Variants in GNAI2 observed in about 807,000 individuals in gnomAD.
The protein encoded by GNAI2 is guanine nucleotide-binding protein G(i) subunit alpha-2.
In GNAI2, 4 loss-of-function variants were observed where a neutral mutation model predicts 36.8. The ratio of observed to expected loss-of-function variants is 0.11; its 90% CI spans 0.05 to 0.25. The LOEUF is 0.25. Ranked by LOEUF, GNAI2 falls within the 10% of genes least tolerant of loss-of-function variation. The probability of loss-of-function intolerance (pLI) is 1.00; values close to 1 mark genes in which losing one functional copy is unlikely to be tolerated. For missense variants in GNAI2, 230 were observed against 481.3 expected, an observed-to-expected ratio of 0.48 and a Z score of 4.89; for synonymous variants, 194 against 194.1, an observed-to-expected ratio of 1.00 and a Z score of 0.01.
rs1262322420 is a variant in GNAI2 at position 50,236,701 on chromosome 3, G to T, written c.118+248G>T. Among the ~76,000 whole-genome samples the T allele has an allele frequency of 6.6e-6, 1 of 151,768 alleles. No homozygotes were observed. Among genetic ancestry groups the T allele is most frequent in the Non-Finnish European group, 1.5e-5 (1 of 67,962 alleles). ...TCCAGTCAACAGTGCCCCAACACCCGCGGTCCAGTGCCCTGCTTGGCCATC... is the reference window on the plus strand; with the variant it reads ...TCCAGTCAACAGTGCCCCAACACCCTCGGTCCAGTGCCCTGCTTGGCCATC... On this transcript the variant is annotated intron_variant, in intron 1 of 8. Coordinates refer to ENST00000313601, the MANE Select transcript of GNAI2 (RefSeq NM_002070.4). This position sits in a 1 kb window ranked among gnomAD's most constrained non-coding sequence, Gnocchi z 4.0.
At chr3:50,240,191 G>A (rs1700267717) in intron 1 of GNAI2, among the ~76,000 whole-genome samples, 1 of 152,194 alleles carries the variant, frequency 6.6e-6, no homozygotes, top group Admixed American at 6.5e-5. Context: ...GATAGGAAGG[G>A]TTAGCTTGGG....
At chr3:50,231,776 G>A (rs587759359), upstream of GNAI2, among the ~76,000 whole-genome samples, 6 of 152,300 alleles carry the variant, frequency 3.9e-5, no homozygotes, top group Admixed American at 1.3e-4. Context: ...CAGGGTAGGG[G>A]GATGGGAGGG....
At chr3:50,251,543 C>A in intron 1 of GNAI2, 9 of 1,178,722 alleles carry the variant, frequency 7.6e-6, no homozygotes, top group South Asian at 1.6e-5. Context: ...TCAGGGCAGA[C>A]CTGAGCGCAG....
rs587773132 is a variant in GNAI2, at chr3:50,248,799, G to A, written c.119-3301G>A. 2.1e-4 allele frequency among the ~76,000 whole-genome samples: 32 copies of A among 152,222 alleles called. No individual in the cohort carries two copies. In the South Asian group the frequency reaches 2.3e-3, roughly 11 times the overall value. On this transcript the variant is annotated intron_variant, in intron 1 of 8. Coordinates refer to ENST00000313601, the MANE Select transcript of GNAI2 (RefSeq NM_002070.4). Reference sequence around the variant, plus strand: ...TCTTAACATTTAAGAGGCCTTAGGAGGGGAAAATGAAACTTGAAGGGGACA... The same window carrying A: ...TCTTAACATTTAAGAGGCCTTAGGAAGGGAAAATGAAACTTGAAGGGGACA...
chr3:50,233,504 G>A (rs1345164421), upstream of GNAI2, among the ~76,000 whole-genome samples: 2 of 152,228 alleles, frequency 1.3e-5, no homozygotes, highest in Non-Finnish European at 2.9e-5. Context: ...GTCCCACCTT[G>A]GAAGCCAGTT....
chr3:50,244,959 C>G (rs1553701544), intron 1 of GNAI2, among the ~76,000 whole-genome samples: 1 of 152,100 alleles, frequency 6.6e-6, no homozygotes, highest in African/African-American at 2.4e-5. Flanking sequence ...CTGTCCTCTT[C>G]CCTCTCTGTA....
At position 50,257,082 on chromosome 3, in the gene GNAI2, A is replaced by G. The variant is rs782266413; in HGVS notation, c.869A>G (p.Glu290Gly). 1 of 1,613,770 alleles carries G rather than the reference A, an allele frequency of 6.2e-7. No homozygotes were observed. The highest frequency in any genetic ancestry group is 8.5e-7 in the Non-Finnish European group (1 of 1,179,878). Residue 290 changes from glutamate (E) to glycine (G), a missense_variant, in exon 7 of 9, where the codon GAG becomes GGG. Around this residue, in one of 4 missense-constraint regions of GNAI2, gnomAD observed 51 missense variants for 56.7 expected, o/e 0.90. Transcript: ENST00000313601. ...THSPLTICFPEYTGANKYDEA... is the reference protein window; with the variant it reads ...THSPLTICFPGYTGANKYDEA... ...AGTCCCCTGACCATCTGCTTCCCTGAGTACACAGGTGTGGGGACTGTGGGG... is the reference window on the plus strand; with the variant it reads ...AGTCCCCTGACCATCTGCTTCCCTGGGTACACAGGTGTGGGGACTGTGGGG...
chr3:50,247,144 G>A, intron 1 of GNAI2: 1 of 701,280 alleles, frequency 1.4e-6, no homozygotes, highest in Non-Finnish European at 2.6e-6. Context: ...ATGCTCACAT[G>A]TGCCCCACAC....
In GNAI2 at chr3:50,244,925, A is replaced by G. The variant is rs587639145; in HGVS notation, c.119-7175A>G. On this transcript the variant is annotated intron_variant, in intron 1 of 8. Transcript: ENST00000313601. ...CAAGACTGTGGGTCCCAGAGGGTCC[A>G]GTTCCTCACCATGAGACCTCAGACT... 3.5e-4 allele frequency among the ~76,000 whole-genome samples: 54 copies of G among 152,196 alleles called. 1 individual carries two copies. Among genetic ancestry groups the G allele is most frequent in the Admixed American group, 1.3e-3 (20 of 15,302 alleles).
intron 1 of GNAI2, chr3:50,251,372 GGGCCAGGGCTGTACCA>G (rs1201547955): frequency 1.0e-6 from 1 of 996,116 alleles, no homozygotes; most frequent in Admixed American, 6.0e-5. Flanking sequence ...AGAGAAATAT[GGGCCAGGGCTGTACCA>G]GGCCAGGGAA....
chr3:50,230,804 C>G (rs1700054948), exon 1 of GNAI2: 1 of 985,266 alleles, frequency 1.0e-6, no homozygotes, highest in Non-Finnish European at 1.2e-6. Flanking sequence ...GGCATGGGGT[C>G]AAGTCATGCC....
Position 50,256,177 on chromosome 3 carries a change from AC to A in GNAI2, c.465-9del. 5.6e-6 allele frequency: 2 copies of A among 359,050 alleles called. No individual in the cohort carries two copies. Among genetic ancestry groups the A allele is most frequent in the Admixed American group, 4.0e-5 (1 of 24,886 alleles). The allele number at this position is 359,050 out of a possible 1,614,324, so 22.2% of individuals were successfully genotyped here. ...CATGCTGGCCCCCACTGACCCTCCC[AC>A]CCCCCATCCCCAGCTACCTGAACGA... On this transcript the variant is annotated splice_polypyrimidine_tract_variant and intron_variant, in intron 4 of 8. Coordinates refer to ENST00000313601, the MANE Select transcript of GNAI2 (RefSeq NM_002070.4).
intron 1 of GNAI2, among the ~76,000 whole-genome samples, chr3:50,240,293 AT>A (rs1490627767): frequency 1.2e-4 from 18 of 152,254 alleles, no homozygotes; most frequent in Admixed American, 1.3e-4. Context: ...GCTGTGAAGG[AT>A]GAATACCATT....
chr3:50,231,634 A>G (rs1700069517), upstream of GNAI2, among the ~76,000 whole-genome samples: 1 of 152,164 alleles, frequency 6.6e-6, no homozygotes, highest in Non-Finnish European at 1.5e-5. Flanking sequence ...GGAATTAGGG[A>G]TATGAGTGGG....
chr3:50,251,570 C>A, intron 1 of GNAI2: 1 of 1,208,588 alleles, frequency 8.3e-7, no homozygotes, highest in Non-Finnish European at 1.1e-6. Context: ...GAGGGCGGGG[C>A]ATTGGGCCAT....
upstream of GNAI2, among the ~76,000 whole-genome samples, chr3:50,234,881 G>A (rs1386692560): frequency 6.6e-6 from 1 of 152,196 alleles, no homozygotes; most frequent in African/African-American, 2.4e-5. Context: ...AGAAAGACTT[G>A]AAATGTTCAG....
chr3:50,257,700 G>C lies in GNAI2; in HGVS notation c.*10G>C. The C allele has an allele frequency of 6.5e-7, 1 of 1,535,062 alleles. No homozygotes were observed. The highest frequency in any genetic ancestry group is 2.3e-5 in the East Asian group (1 of 42,714). On this transcript the variant is annotated 3_prime_UTR_variant, in exon 8 of 9. Coordinates refer to ENST00000313601, the MANE Select transcript of GNAI2 (RefSeq NM_002070.4). ...CTGCGGCCTCTTCTGAGGGGCAGCG[G>C]GGCCTGGCGGGATGGTGAGCCAGAG...
Position 50,251,865 on chromosome 3 carries a change from C to T in GNAI2, c.119-235C>T, listed in dbSNP as rs993237779. On this transcript the variant is annotated intron_variant, in intron 1 of 8. Coordinates refer to ENST00000313601, the MANE Select transcript of GNAI2 (RefSeq NM_002070.4). ...CAGCAGAGCTTGTGGGAGGCAAAGG[C>T]CTGCAGAGAGTCTGCCATGGGGCAC... 1.1e-5 allele frequency: 12 copies of T among 1,142,564 alleles called. No homozygotes were observed. In the African/African-American group the frequency reaches 1.9e-4, roughly 18 times the overall value. 70.8% of individuals were successfully genotyped at this position (1,142,564 alleles called of 1,614,324 possible).
chr3:50,227,102 C>T, upstream of GNAI2: 1 of 1,337,766 alleles, frequency 7.5e-7, no homozygotes, highest in Non-Finnish European at 9.6e-7. This position sits in a 1 kb window ranked among gnomAD's most constrained non-coding sequence, Gnocchi z 5.9. Flanking sequence ...GAAGTGGAAG[C>T]GCGAGAAGGA....
Sources: allele counts gnomAD v4.1 joint callset (sites outside exome capture counted in the v4.1 genomes callset), GRCh38; gene constraint gnomAD v4.1.1; regional missense constraint gnomAD v4.1.1; non-coding constraint Gnocchi (gnomAD v3.1); transcripts MANE v1.5; gene names NCBI Gene and HGNC (gene_info 2026-07-23, HGNC 2026-07-21).